ASAH1: variants seen among roughly 807,000 people sequenced by gnomAD.
ASAH1 encodes N-acylsphingosine amidohydrolase 1, also known as acid ceramidase.
A neutral mutation model predicts 59.5 loss-of-function variants in ASAH1; 70 were observed. The ratio of observed to expected loss-of-function variants is 1.18; its 90% CI spans 0.97 to 1.43. The LOEUF is 1.43. Ranked by LOEUF, ASAH1 falls within the 40% of genes most tolerant of loss-of-function variation. The probability of loss-of-function intolerance (pLI) is 0.00; values close to 1 mark genes in which losing one functional copy is unlikely to be tolerated. For missense variants in ASAH1, 660 were observed against 482.5 expected (o/e 1.37, Z -3.45); for synonymous variants, 213 against 166.5 (o/e 1.28, Z -2.15).
chr8:18,064,426 T>C (rs774007258), intron 6 of ASAH1, 31 bp downstream of exon 6: 2 of 1,483,594 alleles, frequency 1.3e-6, no homozygotes, highest in East Asian at 2.3e-5. Flanking sequence ...TAGTGCTTCA[T>C]GCTGCCCACC....
At chr8:18,078,197 C>T (rs191795173) in intron 1 of ASAH1, among the ~76,000 whole-genome samples, 175 of 152,304 alleles carry the variant, frequency 1.1e-3, no homozygotes, top group African/African-American at 3.5e-3. Flanking sequence ...GACATTTGCA[C>T]GCCCTGGGTT....
At position 18,057,392 on chromosome 8, in the gene ASAH1, G is replaced by T. The variant is rs894798408; in HGVS notation, c.*142C>A. 3.5e-6 allele frequency: 2 copies of T among 566,894 alleles called. No individual in the cohort carries two copies. The highest frequency in any genetic ancestry group is 6.6e-6 in the Non-Finnish European group (2 of 303,458). The allele number at this position is 566,894 out of a possible 1,614,324, so 35.1% of individuals were successfully genotyped here. A position where few individuals can be genotyped will look rare whatever the true frequency, so the allele number is the denominator to read the frequency against. Reference sequence around the variant, plus strand: ...AAAAAAGATCTGTCATTTGTCAACAGATGGACGAAGACAAGCTATTGACTC... The same window carrying T: ...AAAAAAGATCTGTCATTTGTCAACATATGGACGAAGACAAGCTATTGACTC... On this transcript the variant is annotated 3_prime_UTR_variant, in exon 14 of 14. Coordinates refer to ENST00000637790, the MANE Select transcript of ASAH1 (RefSeq NM_177924.5).
intron 8 of ASAH1, 76 bp from the exon 9 acceptor site, chr8:18,061,816 G>T: frequency 7.4e-7 from 1 of 1,349,794 alleles, no homozygotes; most frequent in South Asian, 1.3e-5. Flanking sequence ...CTGTACTTCA[G>T]AGTGGGATAT....
At chr8:18,064,302 T>G (rs1053758353) in intron 6 of ASAH1, 155 bp downstream of exon 6, 3 of 677,980 alleles carry the variant, frequency 4.4e-6, no homozygotes, top group Non-Finnish European at 5.1e-6. Flanking sequence ...AAATTTTCAG[T>G]ACAATCACAA....
chr8:18,057,924 T>C, intron 13 of ASAH1: 1 of 170,640 alleles, frequency 5.9e-6, no homozygotes. Flanking sequence ...AGGAGCTTAT[T>C]CCTGACAGCA....
At chr8:18,062,524 A>G (rs2117029756) in intron 7 of ASAH1, 101 bp from the exon 8 acceptor site, 1 of 1,274,362 alleles carries the variant, frequency 7.8e-7, no homozygotes, top group East Asian at 2.3e-5. Flanking sequence ...TTATTTACCG[A>G]GTCACCACGA....
At chr8:18,083,759 T>C in intron 1 of ASAH1, 1 of 863,558 alleles carries the variant, frequency 1.2e-6, no homozygotes, top group Non-Finnish European at 1.7e-6. Flanking sequence ...GACTAGGATT[T>C]CCTTTAAAGG....
intron 7 of ASAH1, chr8:18,062,771 T>C: frequency 2.6e-6 from 1 of 390,178 alleles, no homozygotes; most frequent in South Asian, 2.4e-5. Flanking sequence ...AATCCATTTA[T>C]CTTCACTTAT....
intron 8 of ASAH1, chr8:18,062,001 A>G (rs1799723768): frequency 3.2e-6 from 2 of 619,074 alleles, no homozygotes; most frequent in African/African-American, 3.7e-5. Context: ...GACTTGCCTA[A>G]GTGAGCGGAA....
At chr8:18,075,147 C>T (rs1427964316) in intron 2 of ASAH1, among the ~76,000 whole-genome samples, 3 of 151,746 alleles carry the variant, frequency 2.0e-5, no homozygotes, top group South Asian at 2.1e-4. Context: ...AGGCGCCCGC[C>T]ACCACGCCTG....
At chr8:18,070,764 G>A (rs1379585765) in intron 3 of ASAH1, among the ~76,000 whole-genome samples, 2 of 152,314 alleles carry the variant, frequency 1.3e-5, no homozygotes, top group Admixed American at 6.5e-5. Flanking sequence ...AACGTATAGG[G>A]CAGAAAGGTA....
At chr8:18,062,523 G>T in intron 7 of ASAH1, 100 bp from the exon 8 acceptor site, 1 of 1,262,044 alleles carries the variant, frequency 7.9e-7, no homozygotes, top group Middle Eastern at 2.1e-4. Context: ...TTTATTTACC[G>T]AGTCACCACG....
chr8:18,062,951 A>T, intron 7 of ASAH1: 2 of 478,370 alleles, frequency 4.2e-6, no homozygotes, highest in Non-Finnish European at 7.5e-6. Flanking sequence ...GCTCACTGCA[A>T]CCTCCGCCTC....
chr8:18,069,831 C>T lies in ASAH1; in HGVS notation c.264G>A (p.Val88=). Residue 88 remains valine (V), a synonymous_variant, in exon 4 of 14, where the codon GTG becomes GTA. Transcript: ENST00000637790. ...CCACCTGCATAATTTTTCCACTTGGCACGAATGTATTTATCATATTCTTCA... is the reference window on the plus strand; with the variant it reads ...CCACCTGCATAATTTTTCCACTTGGTACGAATGTATTTATCATATTCTTCA... The part of the protein sequence containing the change: ...NSLKNMINTF[V]PSGKIMQVVD... 6.3e-7 allele frequency: 1 copy of T among 1,590,966 alleles called. No individual in the cohort carries two copies.
Position 18,059,582 on chromosome 8 carries a change from C to G in ASAH1, c.907G>C (p.Asp303His). The G allele has an allele frequency of 6.2e-7, 1 of 1,614,174 alleles. No individual in the cohort carries two copies. Among genetic ancestry groups the G allele is most frequent in the Non-Finnish European group, 8.5e-7 (1 of 1,180,036 alleles). ...VITRDRKESLDVYELDAKQGR... is the reference protein window; with the variant it reads ...VITRDRKESLHVYELDAKQGR... ...AACAAACCTACTTACTCATATACAT[C>G]CAATGATTCCTTTCTGTCTCGTGTA... Residue 303 changes from aspartate to histidine, a missense_variant, in exon 11 of 14, where the codon GAT (aspartate) becomes CAT (histidine). Transcript: ENST00000637790.
chr8:18,083,458 T>C (rs1397641566), intron 1 of ASAH1: 2 of 157,528 alleles, frequency 1.3e-5, no homozygotes, highest in African/African-American at 2.4e-5. Context: ...ATGACTTGGG[T>C]GCAAAAGGCC....
intron 1 of ASAH1, among the ~76,000 whole-genome samples, chr8:18,080,212 T>C (rs1174007943): frequency 1.3e-5 from 2 of 152,222 alleles, no homozygotes; most frequent in African/African-American, 4.8e-5. Context: ...ATGTCAACAA[T>C]GTTGACATAC....
intron 7 of ASAH1, 86 bp from the exon 8 acceptor site, chr8:18,062,509 G>A: frequency 6.9e-7 from 1 of 1,448,712 alleles, no homozygotes; most frequent in Non-Finnish European, 9.7e-7. Context: ...ATTACACTAG[G>A]AGCTTTATTT....
chr8:18,059,298 T>C, intron 12 of ASAH1, 43 bp downstream of exon 12: 8 of 1,613,800 alleles, frequency 5.0e-6, no homozygotes, highest in Middle Eastern at 1.7e-4. Context: ...AGGGAATCTT[T>C]AATGGCAACA....
Sources: allele counts gnomAD v4.1 joint callset (sites outside exome capture counted in the v4.1 genomes callset), GRCh38; gene constraint gnomAD v4.1.1; transcripts MANE v1.5; gene names NCBI Gene and HGNC (gene_info 2026-07-23, HGNC 2026-07-21).